The following STMND1 variants were observed in gnomAD, a reference collection of about 807,000 sequenced individuals.
STMND1 encodes the protein stathmin domain-containing protein 1.
Under a neutral mutation model 23.0 loss-of-function variants are expected in STMND1, and 17 were observed. The ratio of observed to expected loss-of-function variants is 0.74; its 90% CI spans 0.51 to 1.11. STMND1 has a LOEUF of 1.11. STMND1 is among the 50% of genes least tolerant of loss of function. The pLI, the probability that STMND1 is intolerant of heterozygous loss-of-function variation, is 0.00. For synonymous variants in STMND1, 114 were observed against 119.9 expected (o/e 0.95, Z 0.32); for missense variants, 305 against 329.1 (o/e 0.93, Z 0.57).
At chr6:17,102,686 GCA>G (rs1193726119) in intron 1 of STMND1, among the ~76,000 whole-genome samples, 3 of 152,306 alleles carry the variant, frequency 2.0e-5, no homozygotes, top group African/African-American at 7.2e-5. Flanking sequence ...AGCATGTTCT[GCA>G]CAGAGCTAGT....
chr6:17,117,844 CTTT>C (rs201561950), intron 2 of STMND1, among the ~76,000 whole-genome samples: 2 of 136,840 alleles, frequency 1.5e-5, no homozygotes, highest in East Asian at 2.1e-4. Context: ...CCACACTTGG[CTTT>C]TTTTTTTTTT....
Position 17,102,347 on chromosome 6 carries a change from C to T in STMND1, c.81+9C>T, listed in dbSNP as rs766734370. 1 of 1,292,216 alleles carries T rather than the reference C, an allele frequency of 7.7e-7. No individual in the cohort carries two copies. Among genetic ancestry groups the T allele is most frequent in the Admixed American group, 2.4e-5 (1 of 41,702 alleles). 80.0% of individuals were successfully genotyped at this position (1,292,216 alleles called of 1,614,324 possible). ...GGAAAGAGGAATTCAAGGTAATAAA[C>T]AAACAAACAAACAAACAAACAAACA... On this transcript the variant is annotated intron_variant, in intron 1 of 4. Transcript: ENST00000536551.
At chr6:17,113,975 T>C (rs1761127072) in intron 1 of STMND1, among the ~76,000 whole-genome samples, 5 of 152,166 alleles carry the variant, frequency 3.3e-5, no homozygotes, top group Admixed American at 3.3e-4. Flanking sequence ...CACACAAATT[T>C]AGTGGCTTCA....
At chr6:17,102,457 T>C (rs1760955715) in intron 1 of STMND1, 119 bp downstream of exon 1, 1 of 1,203,952 alleles carries the variant, frequency 8.3e-7, no homozygotes, top group Non-Finnish European at 1.2e-6. Flanking sequence ...CGGTCGAGGC[T>C]AGTTAACAGG....
At chr6:17,127,559 CAA>C (rs1761324758) in intron 3 of STMND1, among the ~76,000 whole-genome samples, 1 of 152,014 alleles carries the variant, frequency 6.6e-6, no homozygotes, top group Non-Finnish European at 1.5e-5. Context: ...CAACAAAAAA[CAA>C]AAACAAAAAA....
chr6:17,102,134 C>A lies in STMND1; in HGVS notation c.-124C>A. Reference sequence around the variant, plus strand: ...GGGAGAGGCGGGTGGCGCCCGAGCGCAGTAGCAGGGGCGTAGGGCGCAGGG... The same window carrying A: ...GGGAGAGGCGGGTGGCGCCCGAGCGAAGTAGCAGGGGCGTAGGGCGCAGGG... On this transcript the variant is annotated 5_prime_UTR_variant, in exon 1 of 5. Transcript: ENST00000536551. 1 of 949,552 alleles carries A rather than the reference C, an allele frequency of 1.1e-6. No individual in the cohort carries two copies. Among genetic ancestry groups the A allele is most frequent in the Non-Finnish European group, 1.4e-6 (1 of 704,752 alleles). 58.8% of individuals were successfully genotyped at this position (949,552 alleles called of 1,614,324 possible). A position where few individuals can be genotyped will look rare whatever the true frequency, so the allele number is the denominator to read the frequency against.
At chr6:17,113,402 C>G (rs369698005) in intron 1 of STMND1, among the ~76,000 whole-genome samples, 9 of 152,276 alleles carry the variant, frequency 5.9e-5, no homozygotes, top group East Asian at 3.9e-4. Context: ...ACTCTTGAAG[C>G]CTTTCAATTG....
At chr6:17,117,970 T>G (rs1761182498) in intron 2 of STMND1, among the ~76,000 whole-genome samples, 1 of 152,060 alleles carries the variant, frequency 6.6e-6, no homozygotes, top group African/African-American at 2.4e-5. Flanking sequence ...TGAGCCAGGG[T>G]TACACAATTT....
At chr6:17,102,879 C>T (rs932321814) in intron 1 of STMND1, among the ~76,000 whole-genome samples, 1 of 152,142 alleles carries the variant, frequency 6.6e-6, no homozygotes, top group Non-Finnish European at 1.5e-5. Flanking sequence ...GCGACTTGTC[C>T]GAGGCTGCAC....
At chr6:17,109,470 C>T (rs138085040) in intron 1 of STMND1, among the ~76,000 whole-genome samples, 10 of 152,250 alleles carry the variant, frequency 6.6e-5, no homozygotes, top group Middle Eastern at 3.4e-3. Context: ...GAACTTCAAA[C>T]GTTAGAGTAA....
intron 1 of STMND1, 93 bp from the exon 2 acceptor site, chr6:17,114,869 C>A: frequency 1.5e-6 from 2 of 1,330,378 alleles, no homozygotes; most frequent in Non-Finnish European, 2.0e-6. Flanking sequence ...ACCACAGATA[C>A]TAGCTGGCTA....
At chr6:17,119,305 C>T (rs906898254) in intron 2 of STMND1, among the ~76,000 whole-genome samples, 2 of 152,140 alleles carry the variant, frequency 1.3e-5, no homozygotes, top group Non-Finnish European at 2.9e-5. Context: ...GGTTAATATG[C>T]TGAAGTGAGA....
Position 17,130,637 on chromosome 6 carries a change from T to C in STMND1, c.587T>C (p.Leu196Pro), listed in dbSNP as rs2113498348. 6.5e-7 allele frequency: 1 copy of C among 1,535,626 alleles called. No individual in the cohort carries two copies. The highest frequency in any genetic ancestry group is 2.4e-5 in the East Asian group (1 of 40,906). The change falls in exon 5 of 5, where the codon CTT becomes CCT. Residue 196 changes from leucine (L) to proline (P), a missense_variant. Leu to Pro is a moderately conservative substitution (Grantham distance 98, BLOSUM62 -3). Transcript: ENST00000536551. The part of the protein sequence containing the change: ...EIRKRLRSDR[L>P]LPSANHSDSA... ...AGAAAAAGGCTACGGAGTGACCGAC[T>C]TTTGCCTTCAGCCAATCACTCAGAT...
In STMND1 at chr6:17,102,265, G is replaced by C; in HGVS notation, c.8G>C (p.Cys3Ser). Residue 3 changes from cysteine (C) to serine (S), a missense_variant, in exon 1 of 5, where the codon TGT becomes TCT. Physicochemically the swap from Cys to Ser is moderately radical, Grantham distance 112. Coordinates refer to ENST00000536551, the MANE Select transcript of STMND1 (RefSeq NM_001190766.2). MG[C>S]GPSQPAEDRR... Reference sequence around the variant, plus strand: ...GGAGCGCGCGCGCGCAGCATGGGCTGTGGACCTTCCCAACCTGCTGAAGAC... The same window carrying C: ...GGAGCGCGCGCGCGCAGCATGGGCTCTGGACCTTCCCAACCTGCTGAAGAC... 6.5e-7 allele frequency: 1 copy of C among 1,535,938 alleles called. No homozygotes were observed. Among genetic ancestry groups the C allele is most frequent in the Non-Finnish European group, 8.7e-7 (1 of 1,146,804 alleles).
At chr6:17,116,495 A>G (rs997365478) in intron 2 of STMND1, among the ~76,000 whole-genome samples, 1 of 151,900 alleles carries the variant, frequency 6.6e-6, no homozygotes, top group Non-Finnish European at 1.5e-5. Flanking sequence ...GCTGGAGTGC[A>G]ATGGTGCAAT....
At chr6:17,120,549 T>C in intron 2 of STMND1, 58 bp from the exon 3 acceptor site, 1 of 1,376,730 alleles carries the variant, frequency 7.3e-7, no homozygotes, top group Non-Finnish European at 9.6e-7. Context: ...AGCATTTGAT[T>C]GAAAAAATCT....
intron 3 of STMND1, among the ~76,000 whole-genome samples, chr6:17,124,955 T>C (rs906714718): frequency 1.3e-5 from 2 of 151,254 alleles, no homozygotes; most frequent in African/African-American, 4.9e-5. Context: ...GCCTTGATTA[T>C]ACCACTGCAC....
At chr6:17,126,133 G>T (rs1410635864) in intron 3 of STMND1, among the ~76,000 whole-genome samples, 1 of 126,290 alleles carries the variant, frequency 7.9e-6, no homozygotes, top group Admixed American at 9.4e-5. Context: ...GCCCAGGCTG[G>T]TCTTGAATTT....
At chr6:17,129,640 T>C (rs572154670) in intron 4 of STMND1, among the ~76,000 whole-genome samples, 1 of 151,988 alleles carries the variant, frequency 6.6e-6, no homozygotes, top group East Asian at 1.9e-4. Context: ...GTCAGGAGAT[T>C]GAGACCATCC....
Sources: allele counts gnomAD v4.1 joint callset (sites outside exome capture counted in the v4.1 genomes callset), GRCh38; gene constraint gnomAD v4.1.1; transcripts MANE v1.5; gene names NCBI Gene and HGNC (gene_info 2026-07-23, HGNC 2026-07-21).